Variants in DOT1L observed in about 807,000 individuals in gnomAD.
The protein encoded by DOT1L is DOT1 like histone lysine methyltransferase, also known as histone-lysine N-methyltransferase, H3 lysine-79 specific.
A neutral mutation model predicts 153.3 loss-of-function variants in DOT1L; 33 were observed. That is an observed-to-expected ratio of 0.22 (90% CI 0.16 to 0.29). The LOEUF (loss-of-function observed/expected upper bound fraction) is 0.29, where lower values mean the gene tolerates loss of function less well. Ranked by LOEUF, DOT1L falls within the 10% of genes least tolerant of loss-of-function variation. The pLI is 1.00. For synonymous variants in DOT1L, 1,135 were observed against 965.1 expected, an observed-to-expected ratio of 1.18 and a Z score of -3.26; for missense variants, 1,847 against 2,119.9, an observed-to-expected ratio of 0.87 and a Z score of 2.53.
chr19:2,216,136 CTA>C (rs1216247390), intron 19 of DOT1L, 143 bp from the exon 20 acceptor site: 25 of 1,251,934 alleles, frequency 2.0e-5, no homozygotes, highest in South Asian at 1.2e-4. Context: ...GACCCCGCCT[CTA>C]TGTGGTCGGC....
chr19:2,227,668 C>T (rs1470377994), intron 27 of DOT1L: 29 of 1,271,350 alleles, frequency 2.3e-5, no homozygotes, highest in East Asian at 6.4e-5. Context: ...TGTGAGCCTG[C>T]GGCTGCTGCT....
intron 7 of DOT1L, among the ~76,000 whole-genome samples, chr19:2,199,370 C>T (rs1015569155): frequency 6.6e-5 from 10 of 152,192 alleles, no homozygotes; most frequent in African/African-American, 1.9e-4. Flanking sequence ...GGACAGAGCT[C>T]GGCGCTAGGC....
intron 19 of DOT1L, chr19:2,215,437 G>A (rs1233956701): frequency 1.3e-5 from 2 of 152,292 alleles, no homozygotes; most frequent in Non-Finnish European, 2.9e-5. Flanking sequence ...GAAAGCAGCA[G>A]GTCACGGGCT....
intron 6 of DOT1L, among the ~76,000 whole-genome samples, chr19:2,194,280 C>T (rs890318426): frequency 6.6e-6 from 1 of 152,194 alleles, no homozygotes; most frequent in Non-Finnish European, 1.5e-5. Flanking sequence ...ACACCATTCT[C>T]CTGCCTCAGC....
intron 22 of DOT1L, among the ~76,000 whole-genome samples, chr19:2,218,272 G>A (rs573649069): frequency 2.0e-5 from 3 of 152,234 alleles, no homozygotes; most frequent in Non-Finnish European, 2.9e-5. Context: ...CCCACCCAGC[G>A]CTGTGCATGC....
intron 27 of DOT1L, chr19:2,229,353 C>A: frequency 1.0e-6 from 1 of 985,452 alleles, no homozygotes. Flanking sequence ...GGACACAGGC[C>A]TTCCTGGGCG....
chr19:2,164,852 G>C (rs1432392157), intron 1 of DOT1L, among the ~76,000 whole-genome samples: 1 of 152,160 alleles, frequency 6.6e-6, no homozygotes, highest in African/African-American at 2.4e-5. Flanking sequence ...CCTGGCCCTG[G>C]GAAATTAGGC....
At chr19:2,188,681 GCCT>G (rs1272457350) in intron 3 of DOT1L, among the ~76,000 whole-genome samples, 2 of 152,160 alleles carry the variant, frequency 1.3e-5, no homozygotes, top group Non-Finnish European at 2.9e-5. Context: ...GGACAGGTAC[GCCT>G]CCTCCTCCTG....
At chr19:2,167,757 A>G (rs1366851550) in intron 1 of DOT1L, among the ~76,000 whole-genome samples, 1 of 138,136 alleles carries the variant, frequency 7.2e-6, no homozygotes, top group Non-Finnish European at 1.5e-5. Context: ...TTTTTTTGAG[A>G]CAGAGTCTTG....
rs935341055 is a variant in DOT1L at position 2,193,930 on chromosome 19, G to A, written c.588+147G>A. 14 of 812,218 alleles carry A rather than the reference G, an allele frequency of 1.7e-5. No homozygotes were observed. The highest frequency in any genetic ancestry group is 3.4e-5 in the African/African-American group (2 of 58,376). The allele number at this position is 812,218 out of a possible 1,614,324, so 50.3% of individuals were successfully genotyped here. Reference sequence around the variant, plus strand: ...CCAAGACGTCTTGGTTGCCTGCAGCGTGTGCCTGTGAATAGGGTGCCCGAT... The same window carrying A: ...CCAAGACGTCTTGGTTGCCTGCAGCATGTGCCTGTGAATAGGGTGCCCGAT... On this transcript the variant is annotated intron_variant, in intron 6 of 27. Transcript: ENST00000398665. The surrounding 1 kb of genome is among the most constrained non-coding windows in gnomAD (Gnocchi z 5.9).
At chr19:2,227,392 A>T (rs1242431401) in intron 27 of DOT1L, 1 of 697,434 alleles carries the variant, frequency 1.4e-6, no homozygotes, top group South Asian at 1.5e-5. Flanking sequence ...CCACCAGAGC[A>T]TTACTTTCTC....
At chr19:2,211,257 T>A in intron 15 of DOT1L, 45 bp downstream of exon 15, 1 of 1,522,844 alleles carries the variant, frequency 6.6e-7, no homozygotes, top group Non-Finnish European at 8.9e-7. Context: ...GGGCTTGGGG[T>A]CATCCCAGGA....
rs766158897 is a variant in DOT1L, at chr19:2,222,001, C to T, written c.2832C>T (p.Ala944=). Residue 944 remains alanine (A), a synonymous_variant, in exon 24 of 28, where the codon GCC becomes GCT. Transcript: ENST00000398665. The surrounding 1 kb of genome is among the most constrained non-coding windows in gnomAD (Gnocchi z 6.5). Reference sequence around the variant, plus strand: ...GCTTCTCCTACGCTGGCTCGGTGGCCATCAGCGGGGCCTTGGCGGGCAGCC... The same window carrying T: ...GCTTCTCCTACGCTGGCTCGGTGGCTATCAGCGGGGCCTTGGCGGGCAGCC... ...PAGFSYAGSV[A]ISGALAGSPA... 2 of 1,610,350 alleles carry T rather than the reference C, an allele frequency of 1.2e-6. No individual in the cohort carries two copies. Among genetic ancestry groups the T allele is most frequent in the Non-Finnish European group, 1.7e-6 (2 of 1,178,532 alleles).
chr19:2,223,802 C>G (rs1239698905), intron 25 of DOT1L, among the ~76,000 whole-genome samples: 3 of 152,214 alleles, frequency 2.0e-5, no homozygotes, highest in Non-Finnish European at 2.9e-5. Context: ...ATCCACACGT[C>G]TTGCCGAGTG....
chr19:2,164,483 G>C, intron 1 of DOT1L: 1 of 324,746 alleles, frequency 3.1e-6, no homozygotes, highest in Non-Finnish European at 5.6e-6. Flanking sequence ...GTGGGAGCGG[G>C]AGCCGGCGCC....
At chr19:2,201,949 T>C (rs2023305388) in intron 8 of DOT1L, among the ~76,000 whole-genome samples, 1 of 152,216 alleles carries the variant, frequency 6.6e-6, no homozygotes, top group African/African-American at 2.4e-5. Flanking sequence ...TCAGCCTGTT[T>C]TCCCTTTCCT....
intron 27 of DOT1L, chr19:2,227,619 G>T (rs919993957): frequency 3.4e-5 from 38 of 1,122,342 alleles, no homozygotes; most frequent in Admixed American, 1.5e-4. Context: ...TGTGCTTGGT[G>T]CCCGCACACG....
chr19:2,221,877 C>T lies in DOT1L; in HGVS notation c.2807-99C>T, dbSNP rs111501639. ...ACCCCTTCCCCACTTCCCCGCCTCT[C>T]CTGGAGCCCACAGAGCTCCTAGGGG... On this transcript the variant is annotated intron_variant, in intron 23 of 27. Transcript: ENST00000398665. The T allele has an allele frequency of 1.8e-3, 2,312 of 1,262,168 alleles. 31 individuals are homozygous for T. In the African/African-American group the frequency reaches 0.031, roughly 17 times the overall value. The allele number at this position is 1,262,168 out of a possible 1,614,324, so 78.2% of individuals were successfully genotyped here. A position where few individuals can be genotyped will look rare whatever the true frequency, so the allele number is the denominator to read the frequency against.
In DOT1L at chr19:2,197,011, C is replaced by T. The variant is rs939295360; in HGVS notation, c.651+2434C>T. On this transcript the variant is annotated intron_variant, in intron 7 of 27. Coordinates refer to ENST00000398665, the MANE Select transcript of DOT1L (RefSeq NM_032482.3). The surrounding 1 kb of genome is among the most constrained non-coding windows in gnomAD (Gnocchi z 4.1). ...ATGGGTTTCCAGTGCTGAACGCGTC[C>T]GCCTTGGTCGGCGTGCGATTCTGTT... Among the ~76,000 whole-genome samples, 2 of 152,196 alleles carry T rather than the reference C, an allele frequency of 1.3e-5. No homozygotes were observed. The highest frequency in any genetic ancestry group is 2.9e-5 in the Non-Finnish European group (2 of 68,038).
Sources: allele counts gnomAD v4.1 joint callset (sites outside exome capture counted in the v4.1 genomes callset), GRCh38; gene constraint gnomAD v4.1.1; non-coding constraint Gnocchi (gnomAD v3.1); transcripts MANE v1.5; gene names NCBI Gene and HGNC (gene_info 2026-07-23, HGNC 2026-07-21).